LHX8: variants seen among roughly 807,000 people sequenced by gnomAD.
The protein encoded by LHX8 is LIM homeobox 8.
In LHX8, 12 loss-of-function variants were observed where a neutral mutation model predicts 40.3. The observed-to-expected ratio is 0.30, with a 90% CI of 0.19 to 0.48. The LOEUF (loss-of-function observed/expected upper bound fraction) is 0.48. Among genes scored for constraint, LHX8 ranks in the 20% least tolerant of loss-of-function variants. LHX8 has a pLI of 0.99. For missense variants in LHX8, 344 were observed against 433.7 expected (o/e 0.79, Z 1.84); for synonymous variants, 179 against 162.0 (o/e 1.10, Z -0.80).
chr1:75,145,941 G>C (rs945872518), intron 6 of LHX8, among the ~76,000 whole-genome samples: 1 of 152,032 alleles, frequency 6.6e-6, no homozygotes, highest in African/African-American at 2.4e-5. Flanking sequence ...GAAAGCATAG[G>C]TAATATGCTT....
At chr1:75,166,104 G>C (rs59753844), downstream of LHX8, among the ~76,000 whole-genome samples, 15,830 of 152,268 alleles carry the variant, frequency 0.1, 1,318 homozygotes, top group African/African-American at 0.23. Flanking sequence ...GCAGTTGGAG[G>C]TGATGGAGCA....
chr1:75,132,012 A>G (rs1196485321), upstream of LHX8: 1 of 152,230 alleles, frequency 6.6e-6, no homozygotes, highest in Non-Finnish European at 1.5e-5. Flanking sequence ...ATTGGAATCA[A>G]TTGGCGTTTG....
the LHX8 span, among the ~76,000 whole-genome samples, chr1:75,188,790 C>G: frequency 6.6e-6 from 1 of 152,160 alleles, no homozygotes; most frequent in Non-Finnish European, 1.5e-5. Context: ...CTGAGAACTT[C>G]CATCATGAAA....
At chr1:75,182,585 C>T in the LHX8 span, among the ~76,000 whole-genome samples, 1 of 152,062 alleles carries the variant, frequency 6.6e-6, no homozygotes, top group East Asian at 1.9e-4. Flanking sequence ...GTTGGTCAGG[C>T]TGGGCTCAAA....
chr1:75,152,842 A>G (rs957184139), intron 7 of LHX8, among the ~76,000 whole-genome samples: 14 of 152,212 alleles, frequency 9.2e-5, no homozygotes, highest in African/African-American at 3.1e-4. Flanking sequence ...AGAAAAGAAA[A>G]TCTCATTGAT....
At chr1:75,146,553 G>T (rs138263585) in intron 6 of LHX8, among the ~76,000 whole-genome samples, 30 of 152,196 alleles carry the variant, frequency 2.0e-4, no homozygotes, top group African/African-American at 7.2e-4. Context: ...GACTTTTCTG[G>T]TAGATCTCCT....
At chr1:75,152,749 G>A (rs1020917319) in intron 7 of LHX8, among the ~76,000 whole-genome samples, 2 of 152,138 alleles carry the variant, frequency 1.3e-5, no homozygotes, top group African/African-American at 4.8e-5. Flanking sequence ...TCTGCCAGGA[G>A]CTACGTACAA....
At chr1:75,138,112 G>A (rs1241673872) in intron 3 of LHX8, among the ~76,000 whole-genome samples, 2 of 152,124 alleles carry the variant, frequency 1.3e-5, no homozygotes, top group Non-Finnish European at 2.9e-5. Context: ...TAGAAATTTT[G>A]GCAGGCCACA....
At chr1:75,189,239 A>G in the LHX8 span, among the ~76,000 whole-genome samples, 1 of 152,346 alleles carries the variant, frequency 6.6e-6, no homozygotes, top group Non-Finnish European at 1.5e-5. Flanking sequence ...CTTTCTTGGG[A>G]TAAAGGAAAA....
chr1:75,156,764 T>G (rs1437481872), intron 7 of LHX8, 129 bp from the exon 8 acceptor site: 6 of 855,496 alleles, frequency 7.0e-6, no homozygotes, highest in Non-Finnish European at 1.2e-5. Flanking sequence ...TTATAAAAGC[T>G]GAGTTACATT....
Position 75,134,687 on chromosome 1 carries a change from T to C in LHX8, c.-280T>C, listed in dbSNP as rs1473829052. 6.6e-6 allele frequency among the ~76,000 whole-genome samples: 1 copy of C among 152,084 alleles called. No individual in the cohort carries two copies. Among genetic ancestry groups the C allele is most frequent in the Non-Finnish European group, 1.5e-5 (1 of 68,002 alleles). ...GCAAAGGACGTGCCGGAGCTGGCAG[T>C]TCCCCCTGAGAAGGTGAGCGAGCCG... On this transcript the variant is annotated 5_prime_UTR_variant, in exon 1 of 9. Transcript: ENST00000356261.
intron 8 of LHX8, chr1:75,159,465 T>C (rs529603913): frequency 4.4e-4 from 67 of 152,238 alleles, no homozygotes; most frequent in African/African-American, 1.5e-3. Context: ...TGAACTATTT[T>C]TCTAGTTCAC....
the LHX8 span, among the ~76,000 whole-genome samples, chr1:75,182,176 TA>T: frequency 4.6e-5 from 7 of 152,190 alleles, no homozygotes; most frequent in African/African-American, 1.4e-4. Flanking sequence ...GATTTTTGTG[TA>T]ACGTGAGAGA....
At chr1:75,148,138 C>T (rs1008304364) in intron 6 of LHX8, among the ~76,000 whole-genome samples, 6 of 152,102 alleles carry the variant, frequency 3.9e-5, no homozygotes, top group African/African-American at 1.4e-4. Flanking sequence ...TGGAATCCTT[C>T]TGTTGATCTG....
At chr1:75,162,659 C>T (rs145211678), downstream of LHX8, among the ~76,000 whole-genome samples, 1 of 152,032 alleles carries the variant, frequency 6.6e-6, no homozygotes, top group African/African-American at 2.4e-5. Flanking sequence ...CAAAGAGGCT[C>T]AAAGCTATCA....
At chr1:75,189,042 C>G in the LHX8 span, among the ~76,000 whole-genome samples, 1 of 152,148 alleles carries the variant, frequency 6.6e-6, no homozygotes, top group Middle Eastern at 3.2e-3. Flanking sequence ...ACATCTTGGC[C>G]TGCTGTTTAG....
chr1:75,156,412 T>C (rs1182707995), intron 7 of LHX8, among the ~76,000 whole-genome samples: 2 of 152,124 alleles, frequency 1.3e-5, no homozygotes, highest in African/African-American at 4.8e-5. Flanking sequence ...CAGCTAGTTT[T>C]TGTATTTTTA....
intron 7 of LHX8, among the ~76,000 whole-genome samples, 199 bp downstream of exon 7, chr1:75,148,881 AG>A (rs1412994117): frequency 2.0e-5 from 3 of 152,170 alleles, no homozygotes; most frequent in Non-Finnish European, 2.9e-5. Flanking sequence ...AGAAACAAAA[AG>A]TTCTAATTCT....
At chr1:75,150,620 G>A (rs1000856284) in intron 7 of LHX8, among the ~76,000 whole-genome samples, 8 of 151,942 alleles carry the variant, frequency 5.3e-5, no homozygotes, top group African/African-American at 1.7e-4. Flanking sequence ...ATTCAAGAAC[G>A]AGATGGCCAG....
Sources: gnomAD v4.1 joint callset for allele counts (sites outside exome capture counted in the v4.1 genomes callset) on GRCh38, gnomAD v4.1.1 for gene constraint, MANE v1.5 for transcripts, NCBI Gene and HGNC (gene_info 2026-07-23, HGNC 2026-07-21) for gene names.